IMMP2L: variants seen among roughly 807,000 people sequenced by gnomAD.
The protein encoded by IMMP2L is inner mitochondrial membrane peptidase subunit 2.
In IMMP2L, 18 loss-of-function variants were observed where a neutral mutation model predicts 19.3. The ratio of observed to expected loss-of-function variants is 0.93; its 90% CI spans 0.64 to 1.38. The LOEUF (loss-of-function observed/expected upper bound fraction) is 1.38. Ranked by LOEUF, IMMP2L falls within the 40% of genes most tolerant of loss-of-function variation. The pLI is 0.00. For missense variants in IMMP2L, 233 were observed against 218.2 expected (o/e 1.07, Z -0.43); for synonymous variants, 76 against 73.0 (o/e 1.04, Z -0.21).
At chr7:110,884,556 A>G (rs1810013974) in intron 5 of IMMP2L, among the ~76,000 whole-genome samples, 1 of 152,116 alleles carries the variant, frequency 6.6e-6, no homozygotes, top group Non-Finnish European at 1.5e-5. Context: ...CAATGATCAT[A>G]TACTCAAGAG....
At chr7:110,846,969 T>C (rs1415323832) in intron 5 of IMMP2L, among the ~76,000 whole-genome samples, 4 of 152,184 alleles carry the variant, frequency 2.6e-5, no homozygotes, top group Admixed American at 6.5e-5. Context: ...CTCCTCAAAC[T>C]ACTGTCTAGA....
At chr7:111,343,273 G>T (rs1827206584) in intron 3 of IMMP2L, among the ~76,000 whole-genome samples, 1 of 151,892 alleles carries the variant, frequency 6.6e-6, no homozygotes, top group Admixed American at 6.6e-5. Context: ...TCTTAAAATG[G>T]CTCTTGGAGT....
intron 3 of IMMP2L, among the ~76,000 whole-genome samples, chr7:111,197,742 A>G (rs1484614238): frequency 6.6e-6 from 1 of 152,168 alleles, no homozygotes; most frequent in Non-Finnish European, 1.5e-5. Context: ...ACTCAATACT[A>G]TTACATTCTA....
rs534743596 is a variant in IMMP2L, at chr7:111,338,917, C to T, written c.239+148321G>A. Among the ~76,000 whole-genome samples, 23 of 152,144 alleles carry T rather than the reference C, an allele frequency of 1.5e-4. No homozygotes were observed. The South Asian group carries it at 4.8e-3, about 32-fold the overall frequency. On this transcript the variant is annotated intron_variant, in intron 3 of 5. Transcript: ENST00000405709. ...AATTCTGTCAATACAACTATTTATC[C>T]TGAGTCTCAAGAATATTGTCCCAGG... is the stretch of plus-strand genomic sequence containing the variant.
chr7:111,426,903 A>T (rs1163968211), intron 3 of IMMP2L, among the ~76,000 whole-genome samples: 1 of 151,256 alleles, frequency 6.6e-6, no homozygotes, highest in Non-Finnish European at 1.5e-5. Flanking sequence ...CCATATACCT[A>T]TTCAGGCAAT....
At chr7:111,141,476 A>G (rs1053824191) in intron 3 of IMMP2L, among the ~76,000 whole-genome samples, 1 of 151,080 alleles carries the variant, frequency 6.6e-6, no homozygotes, top group Non-Finnish European at 1.5e-5. Flanking sequence ...CCCTACAGAT[A>G]ATCACTGCCT....
At chr7:110,782,514 TC>T (rs1451338017) in intron 5 of IMMP2L, among the ~76,000 whole-genome samples, 4 of 151,914 alleles carry the variant, frequency 2.6e-5, no homozygotes, top group African/African-American at 9.7e-5. Context: ...ACCACATTAG[TC>T]CTTTTTAAGA....
At chr7:111,125,753 C>T (rs187780521) in intron 3 of IMMP2L, among the ~76,000 whole-genome samples, 1 of 149,392 alleles carries the variant, frequency 6.7e-6, no homozygotes, top group East Asian at 2.0e-4. Flanking sequence ...AATATAAATT[C>T]AGTATCTGGG....
intron 4 of IMMP2L, among the ~76,000 whole-genome samples, chr7:110,911,456 C>T (rs1420600945): frequency 2.6e-5 from 4 of 152,102 alleles, no homozygotes; most frequent in Non-Finnish European, 5.9e-5. Flanking sequence ...ATTCTATCTT[C>T]ATGAACATGA....
intron 5 of IMMP2L, among the ~76,000 whole-genome samples, chr7:110,740,290 T>A (rs184663066): frequency 6.6e-6 from 1 of 151,954 alleles, no homozygotes. Flanking sequence ...AAAAAGCTGG[T>A]TCTTTGAAAT....
At chr7:111,410,390 T>C (rs1209691967) in intron 3 of IMMP2L, among the ~76,000 whole-genome samples, 2 of 151,566 alleles carry the variant, frequency 1.3e-5, no homozygotes, top group African/African-American at 2.4e-5. Context: ...AGAGAGACCA[T>C]TTAAAAGAAA....
At chr7:110,725,235 T>C (rs1008420723) in intron 5 of IMMP2L, among the ~76,000 whole-genome samples, 1 of 152,200 alleles carries the variant, frequency 6.6e-6, no homozygotes, top group Non-Finnish European at 1.5e-5. Context: ...ACAATTTGTA[T>C]GAAAAGTGGA....
intron 1 of IMMP2L, among the ~76,000 whole-genome samples, chr7:111,552,028 G>A (rs1424386002): frequency 2.0e-5 from 3 of 152,096 alleles, no homozygotes; most frequent in Non-Finnish European, 4.4e-5. Context: ...ACAAGTTCAT[G>A]CTATAGCCAC....
chr7:111,238,408 T>C (rs1243846666), intron 3 of IMMP2L, among the ~76,000 whole-genome samples: 6 of 152,086 alleles, frequency 3.9e-5, no homozygotes, highest in Non-Finnish European at 1.5e-5. Flanking sequence ...AATTACTACA[T>C]ATATTGTTAA....
chr7:111,355,702 C>A (rs143570822), intron 3 of IMMP2L, among the ~76,000 whole-genome samples: 131 of 151,974 alleles, frequency 8.6e-4, no homozygotes, highest in African/African-American at 3.0e-3. Flanking sequence ...ACCTCTATAT[C>A]AAATGTAATT....
At chr7:111,028,832 A>C (rs1827119904) in intron 3 of IMMP2L, among the ~76,000 whole-genome samples, 1 of 152,156 alleles carries the variant, frequency 6.6e-6, no homozygotes, top group African/African-American at 2.4e-5. Context: ...ATATAAAATG[A>C]TTGGATTTGA....
chr7:111,556,018 G>GTGTGTATATATATA lies in IMMP2L; in HGVS notation c.-3+5832_-3+5833insTATATATATACACA, dbSNP rs777862357. 5.1e-3 allele frequency among the ~76,000 whole-genome samples: 464 copies of GTGTGTATATATATA among 91,312 alleles called. 28 individuals are homozygous for GTGTGTATATATATA. Among genetic ancestry groups the GTGTGTATATATATA allele is most frequent in the African/African-American group, 0.013 (358 of 27,626 alleles). 59.9% of individuals were successfully genotyped at this position (91,312 alleles called of 152,430 possible). On this transcript the variant is annotated intron_variant, in intron 1 of 5. Coordinates refer to ENST00000405709, the MANE Select transcript of IMMP2L (RefSeq NM_032549.4). Reference sequence around the variant, plus strand: ...TTAGCCATCCCTCTTCTGTGTGCATGTATATATATATATATATACATACCC... The same window carrying GTGTGTATATATATA: ...TTAGCCATCCCTCTTCTGTGTGCATGTGTGTATATATATATATATATATATATATATACATACCC...
At chr7:111,185,247 A>G (rs939456457) in intron 3 of IMMP2L, among the ~76,000 whole-genome samples, 3 of 152,162 alleles carry the variant, frequency 2.0e-5, no homozygotes, top group Non-Finnish European at 2.9e-5. Flanking sequence ...AAACAATCAA[A>G]TCTACTCTGT....
At chr7:111,391,240 C>A (rs1317245667) in intron 3 of IMMP2L, among the ~76,000 whole-genome samples, 1 of 152,042 alleles carries the variant, frequency 6.6e-6, no homozygotes, top group Non-Finnish European at 1.5e-5. Flanking sequence ...TGCTGATACT[C>A]CATTAGTCAA....
Sources: allele counts gnomAD v4.1 joint callset (sites outside exome capture counted in the v4.1 genomes callset), GRCh38; gene constraint gnomAD v4.1.1; transcripts MANE v1.5; gene names NCBI Gene and HGNC (gene_info 2026-07-23, HGNC 2026-07-21).